FTO: variants seen among roughly 807,000 people sequenced by gnomAD.
FTO encodes alpha-ketoglutarate-dependent dioxygenase FTO.
In FTO, 47 loss-of-function variants were observed where a neutral mutation model predicts 63.9. That is an observed-to-expected ratio of 0.74 (90% CI 0.58 to 0.94). The LOEUF (loss-of-function observed/expected upper bound fraction) is 0.94. FTO is among the 40% of genes least tolerant of loss of function. FTO has a pLI of 0.00. For synonymous variants in FTO, 207 were observed against 224.4 expected (o/e 0.92, Z 0.69); for missense variants, 562 against 618.1 (o/e 0.91, Z 0.96).
intron 2 of FTO, 144 bp from the exon 3 acceptor site, chr16:53,825,720 C>T: frequency 1.2e-6 from 1 of 860,140 alleles, no homozygotes; most frequent in Non-Finnish European, 1.9e-6. Context: ...CTGTTTTGGG[C>T]TAGGAAGATG....
chr16:53,892,108 C>G (rs1409249802), intron 7 of FTO, among the ~76,000 whole-genome samples: 1 of 152,074 alleles, frequency 6.6e-6, no homozygotes, highest in African/African-American at 2.4e-5. Context: ...TTGGACAAGA[C>G]AGAACAGAAT....
intron 5 of FTO, among the ~76,000 whole-genome samples, chr16:53,876,212 G>T (rs1038220137): frequency 5.3e-5 from 8 of 152,094 alleles, no homozygotes; most frequent in African/African-American, 9.7e-5. Context: ...AAAGGTTCTT[G>T]TTACTCTTTT....
At chr16:53,942,829 C>G (rs1261736249) in intron 8 of FTO, among the ~76,000 whole-genome samples, 1 of 152,158 alleles carries the variant, frequency 6.6e-6, no homozygotes, top group East Asian at 1.9e-4. Flanking sequence ...TGCTATCATT[C>G]ATGCTAAAGA....
At chr16:53,911,847 T>A (rs1726105517) in intron 7 of FTO, among the ~76,000 whole-genome samples, 1 of 152,242 alleles carries the variant, frequency 6.6e-6, no homozygotes, top group African/African-American at 2.4e-5. Flanking sequence ...GTTTTGCAAT[T>A]TATGTTGAAA....
chr16:54,019,831 C>G (rs2084546243), intron 8 of FTO, among the ~76,000 whole-genome samples: 1 of 152,204 alleles, frequency 6.6e-6, no homozygotes, highest in Admixed American at 6.5e-5. Flanking sequence ...TCTCTTTCCA[C>G]TGCACAGCGT....
At chr16:53,772,509 T>G (rs570994167) in intron 1 of FTO, among the ~76,000 whole-genome samples, 1 of 152,224 alleles carries the variant, frequency 6.6e-6, no homozygotes, top group African/African-American at 2.4e-5. Context: ...TGATACACTG[T>G]TTTCTTGTTT....
At chr16:53,826,569 G>A (rs3826169) in intron 3 of FTO, 78 bp downstream of exon 3, 984,947 of 1,299,946 alleles carry the variant, frequency 0.76, 374,597 homozygotes, top group African/African-American at 0.82. Context: ...AGATACACAC[G>A]CATATACATG....
chr16:53,944,151 A>C (rs923541669), intron 8 of FTO, among the ~76,000 whole-genome samples: 1 of 152,118 alleles, frequency 6.6e-6, no homozygotes, highest in Admixed American at 6.5e-5. Flanking sequence ...TTAAGTGCCT[A>C]CCTGGTATGA....
At chr16:53,794,220 T>C (rs1480114859) in intron 1 of FTO, among the ~76,000 whole-genome samples, 2 of 152,244 alleles carry the variant, frequency 1.3e-5, no homozygotes, top group African/African-American at 4.8e-5. Context: ...TAAGACTTTT[T>C]ATCCTAAAGA....
chr16:53,912,335 C>T (rs1001070329), intron 7 of FTO, among the ~76,000 whole-genome samples: 3 of 152,138 alleles, frequency 2.0e-5, no homozygotes, highest in African/African-American at 7.2e-5. Context: ...TCAGATGAGC[C>T]TCTTCCCCTC....
At chr16:53,967,365 A>G (rs1253941270) in intron 8 of FTO, among the ~76,000 whole-genome samples, 1 of 151,780 alleles carries the variant, frequency 6.6e-6, no homozygotes, top group East Asian at 1.9e-4. Context: ...TGTAATTAAG[A>G]CTCTGAGAAC....
intron 7 of FTO, among the ~76,000 whole-genome samples, chr16:53,908,354 T>G (rs2081589291): frequency 6.6e-6 from 1 of 152,210 alleles, no homozygotes; most frequent in Admixed American, 6.5e-5. Context: ...AATTATTCTT[T>G]TGGGATGTTG....
At chr16:53,966,098 C>T (rs1474001502) in intron 8 of FTO, among the ~76,000 whole-genome samples, 1 of 152,102 alleles carries the variant, frequency 6.6e-6, no homozygotes, top group Non-Finnish European at 1.5e-5. Context: ...GAACTCCTGG[C>T]CTCAAGTGAT....
intron 8 of FTO, chr16:53,979,582 T>G: frequency 2.5e-6 from 1 of 392,670 alleles, no homozygotes; most frequent in Non-Finnish European, 4.5e-6. Flanking sequence ...CGTGTGTGAA[T>G]TTCTTGTCCT....
intron 8 of FTO, among the ~76,000 whole-genome samples, chr16:54,007,913 CAATT>C (rs2084248341): frequency 6.6e-6 from 1 of 152,212 alleles, no homozygotes; most frequent in Non-Finnish European, 1.5e-5. Flanking sequence ...TTTGGACTAA[CAATT>C]AAACTCAGCT....
At position 53,946,814 on chromosome 16, in the gene FTO, G is replaced by A. The variant is rs555044419; in HGVS notation, c.1364+12705G>A. Among the ~76,000 whole-genome samples, 6 of 152,252 alleles carry A rather than the reference G, an allele frequency of 3.9e-5. No homozygotes were observed. In the South Asian group the frequency reaches 1.3e-3, roughly 32 times the overall value. ...TGGCCTCTTTCCTACCAGAATACGG[G>A]CCTGGGAGGCAACTGCAATGAACCC... On this transcript the variant is annotated intron_variant, in intron 8 of 8. Transcript: ENST00000471389.
At chr16:54,073,193 G>A (rs2085909139) in intron 8 of FTO, among the ~76,000 whole-genome samples, 1 of 152,054 alleles carries the variant, frequency 6.6e-6, no homozygotes, top group Non-Finnish European at 1.5e-5. Context: ...CATCCATCAA[G>A]TAGACTCAAG....
chr16:53,959,378 C>G (rs896602981), intron 8 of FTO, among the ~76,000 whole-genome samples: 2 of 152,130 alleles, frequency 1.3e-5, no homozygotes, highest in Non-Finnish European at 2.9e-5. Context: ...GATGTGGATG[C>G]CCACAGCTCT....
intron 8 of FTO, among the ~76,000 whole-genome samples, chr16:53,982,859 G>C (rs2083578629): frequency 6.6e-6 from 1 of 152,156 alleles, no homozygotes; most frequent in Non-Finnish European, 1.5e-5. Flanking sequence ...ACTCTTGACT[G>C]CTGAGAGATT....
Sources: gnomAD v4.1 joint callset for allele counts (sites outside exome capture counted in the v4.1 genomes callset) on GRCh38, gnomAD v4.1.1 for gene constraint, MANE v1.5 for transcripts, NCBI Gene and HGNC (gene_info 2026-07-23, HGNC 2026-07-21) for gene names.